The following DNAJC13 variants were observed in gnomAD, a reference collection of about 807,000 sequenced individuals.
The protein encoded by DNAJC13 is dnaJ homolog subfamily C member 13.
Under a neutral mutation model 290.5 loss-of-function variants are expected in DNAJC13, and 75 were observed. The ratio of observed to expected loss-of-function variants is 0.26; its 90% CI spans 0.21 to 0.31. DNAJC13 has a LOEUF of 0.31. Among genes scored for constraint, DNAJC13 ranks in the 10% least tolerant of loss-of-function variants. The pLI is 1.00. For missense variants in DNAJC13, 2,260 were observed against 2,674.5 expected (o/e 0.85, Z 3.42); for synonymous variants, 862 against 892.0 (o/e 0.97, Z 0.60).
intron 2 of DNAJC13, among the ~76,000 whole-genome samples, chr3:132,445,501 G>A (rs575599306): frequency 9.9e-5 from 15 of 151,794 alleles, no homozygotes; most frequent in East Asian, 1.9e-4. Context: ...CTCAGTTTTC[G>A]GCAACAATTT....
chr3:132,418,091 C>T (rs1938848403), intron 1 of DNAJC13, among the ~76,000 whole-genome samples: 1 of 152,160 alleles, frequency 6.6e-6, no homozygotes, highest in African/African-American at 2.4e-5. Flanking sequence ...GTTCCGCCCT[C>T]GGGATTCCCT....
Position 132,496,579 on chromosome 3 carries a change from G to C in DNAJC13, c.4072G>C (p.Ala1358Pro), listed in dbSNP as rs753644814. The C allele has an allele frequency of 3.1e-6, 5 of 1,608,966 alleles. No homozygotes were observed. Residue 1358 changes from alanine to proline, a missense_variant, in exon 36 of 56, where the codon GCA becomes CCA. This residue lies in a region of DNAJC13 where 1,494 missense variants were observed against 1,693.7 expected (regional missense o/e 0.88). Transcript: ENST00000260818. ...KAYEFLCTKS[A>P]KIVDGPDPEN... ...ATATGAATTTTTATGTACCAAATCA[G>C]CAAAAATAGTGGATGGGCCAGATCC...
At position 132,456,847 on chromosome 3, in the gene DNAJC13, G is replaced by A; in HGVS notation, c.1349+15G>A. The A allele has an allele frequency of 6.2e-7, 1 of 1,608,782 alleles. No homozygotes were observed. Among genetic ancestry groups the A allele is most frequent in the Non-Finnish European group, 8.5e-7 (1 of 1,177,962 alleles). ...CAGCTTCCAAAGTAAGTTGTCTTCT[G>A]AAACTTAACTTCTCTTAGAGAATTT... On this transcript the variant is annotated intron_variant, in intron 12 of 55. Transcript: ENST00000260818.
intron 15 of DNAJC13, among the ~76,000 whole-genome samples, chr3:132,462,173 ATTT>A (rs1045663346): frequency 2.0e-5 from 3 of 152,132 alleles, no homozygotes; most frequent in African/African-American, 7.2e-5. Flanking sequence ...TGATGTTTAT[ATTT>A]TTATTATTTT....
chr3:132,505,168 G>A (rs963401090), intron 41 of DNAJC13, 134 bp from the exon 42 acceptor site: 1 of 569,832 alleles, frequency 1.8e-6, no homozygotes, highest in Non-Finnish European at 3.1e-6. Context: ...GAATTATTGA[G>A]ATACTTATTA....
Position 132,516,737 on chromosome 3 carries a change from A to G in DNAJC13, c.5594A>G (p.Asn1865Ser), listed in dbSNP as rs1017172253. 6 of 1,613,436 alleles carry G rather than the reference A, an allele frequency of 3.7e-6. No homozygotes were observed. Among genetic ancestry groups the G allele is most frequent in the African/African-American group, 2.7e-5 (2 of 74,914 alleles). ...ATCTATTTACTGGATATGTTCTGCAATTCAACACATCCACAGGTTCGAGCC... is the reference window on the plus strand; with the variant it reads ...ATCTATTTACTGGATATGTTCTGCAGTTCAACACATCCACAGGTTCGAGCC... The part of the protein sequence containing the change: ...ALIYLLDMFC[N>S]STHPQVRAQT... The change falls in exon 48 of 56, where the codon AAT becomes AGT. Residue 1865 changes from asparagine to serine, a missense_variant. Asn to Ser is a conservative substitution (Grantham distance 46). Transcript: ENST00000260818.
At chr3:132,423,679 C>T (rs544028941) in intron 1 of DNAJC13, among the ~76,000 whole-genome samples, 6 of 152,140 alleles carry the variant, frequency 3.9e-5, no homozygotes, top group African/African-American at 1.4e-4. Flanking sequence ...CAGAACTAAA[C>T]TAGAAATGTA....
chr3:132,437,253 A>C (rs184187942), intron 2 of DNAJC13, among the ~76,000 whole-genome samples: 4 of 152,220 alleles, frequency 2.6e-5, no homozygotes, highest in Non-Finnish European at 4.4e-5. Context: ...TCTGAATAAA[A>C]GTTCCGTGTA....
At position 132,499,688 on chromosome 3, in the gene DNAJC13, C is replaced by T. The variant is rs747243537; in HGVS notation, c.4342-46C>T. ...TTACTGCTAGAAAAGGCCTTTCAGA[C>T]TTGAAGTCAAAATGGAGAGTTAATA... On this transcript the variant is annotated intron_variant, in intron 37 of 55. Coordinates refer to ENST00000260818, the MANE Select transcript of DNAJC13 (RefSeq NM_015268.4). The T allele has an allele frequency of 3.8e-6, 6 of 1,569,548 alleles. No homozygotes were observed. In the South Asian group the frequency reaches 6.8e-5, roughly 18 times the overall value.
At chr3:132,513,698 G>A (rs766285079) in intron 45 of DNAJC13, among the ~76,000 whole-genome samples, 2 of 152,128 alleles carry the variant, frequency 1.3e-5, no homozygotes, top group Non-Finnish European at 2.9e-5. Flanking sequence ...CCTTGTTCAG[G>A]ATATTGAAGC....
At chr3:132,488,918 AG>A in intron 30 of DNAJC13, 57 bp from the exon 31 acceptor site, 1 of 1,331,238 alleles carries the variant, frequency 7.5e-7, no homozygotes. Context: ...TAGAAAACTA[AG>A]GTTACAAAAA....
Position 132,496,579 on chromosome 3 carries a change from G to A in DNAJC13, c.4072G>A (p.Ala1358Thr). Residue 1358 changes from alanine to threonine, a missense_variant, in exon 36 of 56, where the codon GCA (alanine) becomes ACA (threonine). Around this residue, in one of 3 missense-constraint regions of DNAJC13, gnomAD observed 1,494 missense variants for 1,693.7 expected, o/e 0.88. Coordinates refer to ENST00000260818, the MANE Select transcript of DNAJC13 (RefSeq NM_015268.4). ...ATATGAATTTTTATGTACCAAATCAGCAAAAATAGTGGATGGGCCAGATCC... is the reference window on the plus strand; with the variant it reads ...ATATGAATTTTTATGTACCAAATCAACAAAAATAGTGGATGGGCCAGATCC... Reference protein sequence around the residue: ...KAYEFLCTKSAKIVDGPDPEN... With the variant: ...KAYEFLCTKSTKIVDGPDPEN... 2 of 1,608,964 alleles carry A rather than the reference G, an allele frequency of 1.2e-6. No individual in the cohort carries two copies. Among genetic ancestry groups the A allele is most frequent in the East Asian group, 2.2e-5 (1 of 44,520 alleles).
In DNAJC13 at chr3:132,425,658, A is replaced by G. The variant is rs182013191; in HGVS notation, c.-14+7898A>G. ...GCTTACCTGTTCTCTGCAAGTTGTC[A>G]TATTTGTGTAAAAATTACTTCCAGT... On this transcript the variant is annotated intron_variant, in intron 1 of 55. Coordinates refer to ENST00000260818, the MANE Select transcript of DNAJC13 (RefSeq NM_015268.4). 3.5e-3 allele frequency among the ~76,000 whole-genome samples: 526 copies of G among 152,308 alleles called. 3 individuals carry two copies. Among genetic ancestry groups the G allele is most frequent in the African/African-American group, 9.2e-3 (383 of 41,582 alleles).
In DNAJC13 at chr3:132,456,282, A is replaced by T; in HGVS notation, c.980A>T (p.Asn327Ile). ...SLLDGVRASG[N>I]RDVCVKMTPT... ...CTGGATGGAGTAAGAGCCTCTGGTA[A>T]TAGAGATGTTTGTGTAAAAATGACA... is the stretch of plus-strand genomic sequence containing the variant. Residue 327 changes from asparagine (N) to isoleucine (I), a missense_variant, in exon 10 of 56, where the codon AAT becomes ATT. Coordinates refer to ENST00000260818, the MANE Select transcript of DNAJC13 (RefSeq NM_015268.4). 1 of 1,613,904 alleles carries T rather than the reference A, an allele frequency of 6.2e-7. No homozygotes were observed. Among genetic ancestry groups the T allele is most frequent in the Non-Finnish European group, 8.5e-7 (1 of 1,179,838 alleles).
chr3:132,437,745 G>A (rs1397584750), intron 2 of DNAJC13, among the ~76,000 whole-genome samples: 1 of 151,988 alleles, frequency 6.6e-6, no homozygotes, highest in African/African-American at 2.4e-5. Context: ...TTAGAAATAC[G>A]AGTCTCTGAA....
chr3:132,460,196 C>G, intron 13 of DNAJC13, 54 bp from the exon 14 acceptor site: 1 of 1,199,852 alleles, frequency 8.3e-7, no homozygotes, highest in Non-Finnish European at 1.2e-6. Flanking sequence ...TTGCGTGATG[C>G]TAGCACATGG....
At chr3:132,523,746 G>T (rs1176658691) in intron 51 of DNAJC13, 33 bp downstream of exon 51, 1 of 1,595,748 alleles carries the variant, frequency 6.3e-7, no homozygotes, top group South Asian at 1.1e-5. Flanking sequence ...ACATTTCAAA[G>T]ACTTGGCTAA....
intron 32 of DNAJC13, among the ~76,000 whole-genome samples, chr3:132,491,957 G>C (rs1289176191): frequency 6.6e-6 from 1 of 152,038 alleles, no homozygotes; most frequent in Non-Finnish European, 1.5e-5. Flanking sequence ...CCTGAGATTG[G>C]CAAATATAAG....
chr3:132,435,093 T>A (rs1939353019), intron 2 of DNAJC13, among the ~76,000 whole-genome samples: 1 of 152,014 alleles, frequency 6.6e-6, no homozygotes, highest in South Asian at 2.1e-4. Flanking sequence ...TGGGAGGGAG[T>A]GATGGCATTT....
Sources: gnomAD v4.1 joint callset for allele counts (sites outside exome capture counted in the v4.1 genomes callset) on GRCh38, gnomAD v4.1.1 for gene constraint, gnomAD v4.1.1 regional missense constraint, MANE v1.5 for transcripts, NCBI Gene and HGNC (gene_info 2026-07-23, HGNC 2026-07-21) for gene names.